LRIG1: variants seen among roughly 807,000 people sequenced by gnomAD.
LRIG1 encodes the protein leucine rich repeats and immunoglobulin like domains 1.
A neutral mutation model predicts 99.2 loss-of-function variants in LRIG1; 48 were observed. That is an observed-to-expected ratio of 0.48 (90% CI 0.38 to 0.62). LRIG1 has a LOEUF of 0.62. LRIG1 is among the 20% of genes least tolerant of loss of function. The probability of loss-of-function intolerance (pLI) is 0.00; values close to 1 mark genes in which losing one functional copy is unlikely to be tolerated. For missense variants in LRIG1, 1,646 were observed against 1,434.4 expected, an observed-to-expected ratio of 1.15 and a Z score of -2.38; for synonymous variants, 772 against 596.1, an observed-to-expected ratio of 1.29 and a Z score of -4.30.
At chr3:66,450,848 C>A (rs1459177542) in intron 3 of LRIG1, among the ~76,000 whole-genome samples, 1 of 152,200 alleles carries the variant, frequency 6.6e-6, no homozygotes. Flanking sequence ...CTGTTGGACT[C>A]ATGGCTGGTT....
chr3:66,402,778 C>A (rs992155864), intron 9 of LRIG1, among the ~76,000 whole-genome samples: 8 of 152,198 alleles, frequency 5.3e-5, no homozygotes, highest in Non-Finnish European at 4.4e-5. Flanking sequence ...TCAGTGGATC[C>A]TAACAGGCCG....
chr3:66,439,516 T>C (rs537140713), intron 3 of LRIG1, among the ~76,000 whole-genome samples: 1 of 152,034 alleles, frequency 6.6e-6, no homozygotes, highest in South Asian at 2.1e-4. Flanking sequence ...TATATTACAA[T>C]AAAGCTTTTG....
intron 1 of LRIG1, among the ~76,000 whole-genome samples, chr3:66,473,703 G>C (rs921922759): frequency 2.8e-4 from 42 of 152,312 alleles, no homozygotes; most frequent in African/African-American, 9.6e-4. Context: ...AACTTTTCAA[G>C]AATACATCCG....
chr3:66,486,818 G>A (rs1373227434), intron 1 of LRIG1, among the ~76,000 whole-genome samples: 5 of 152,036 alleles, frequency 3.3e-5, no homozygotes, highest in Admixed American at 6.5e-5. Context: ...GTAACTTTAC[G>A]CTTTTGTGTT....
rs1700940690 is a variant in LRIG1 at position 66,380,043 on chromosome 3, C to CTT, written c.*218_*219dup. 1 of 446,540 alleles carries CTT rather than the reference C, an allele frequency of 2.2e-6. No homozygotes were observed. The highest frequency in any genetic ancestry group is 3.8e-5 in the Admixed American group (1 of 26,494). 27.7% of individuals were successfully genotyped at this position (446,540 alleles called of 1,614,324 possible). On this transcript the variant is annotated 3_prime_UTR_variant, in exon 19 of 19. Coordinates refer to ENST00000273261, the MANE Select transcript of LRIG1 (RefSeq NM_015541.3). ...GATATATATGAAATCTCTGAAAACT[C>CTT]TTATGTACAATGATATCAAATACTT...
intron 3 of LRIG1, among the ~76,000 whole-genome samples, 179 bp downstream of exon 3, chr3:66,451,380 C>A (rs1162079236): frequency 2.0e-5 from 3 of 151,896 alleles, no homozygotes. Flanking sequence ...GCGTTTAATT[C>A]TGCAAATCCC....
At chr3:66,402,768 T>C (rs1432092304) in intron 9 of LRIG1, among the ~76,000 whole-genome samples, 2 of 152,144 alleles carry the variant, frequency 1.3e-5, no homozygotes, top group Non-Finnish European at 2.9e-5. Context: ...ACCCCACTTC[T>C]CAGTGGATCC....
Position 66,500,282 on chromosome 3 carries a change from C to A in LRIG1, c.126G>T (p.Ala42=), listed in dbSNP as rs1371237512. 1 of 1,480,230 alleles carries A rather than the reference C, an allele frequency of 6.8e-7. No homozygotes were observed. The highest frequency in any genetic ancestry group is 8.9e-7 in the Non-Finnish European group (1 of 1,121,762). 91.7% of individuals were successfully genotyped at this position (1,480,230 alleles called of 1,614,324 possible). Residue 42 remains alanine, a synonymous_variant, in exon 1 of 19, where the codon GCG becomes GCT. Coordinates refer to ENST00000273261, the MANE Select transcript of LRIG1 (RefSeq NM_015541.3). ...TAAAGPRAPC[A]AACTCAGDSL... ...AGTCCCCAGCGCAAGTGCAGGCGGC[C>A]GCGCAGGGCGCCCGCGGGCCGGCCG...
At chr3:66,438,255 A>T (rs529540082) in intron 3 of LRIG1, among the ~76,000 whole-genome samples, 40 of 152,296 alleles carry the variant, frequency 2.6e-4, no homozygotes, top group Non-Finnish European at 4.7e-4. Context: ...CACACAGCTC[A>T]GCCGGCCTTC....
At chr3:66,433,651 C>T (rs1422222408) in intron 3 of LRIG1, among the ~76,000 whole-genome samples, 4 of 152,246 alleles carry the variant, frequency 2.6e-5, no homozygotes, top group African/African-American at 9.6e-5. Flanking sequence ...ATATCTCTTA[C>T]CACGCAATTT....
At chr3:66,479,623 C>A (rs1468522777) in intron 1 of LRIG1, among the ~76,000 whole-genome samples, 3 of 152,130 alleles carry the variant, frequency 2.0e-5, no homozygotes, top group East Asian at 1.9e-4. Context: ...AGTTAAAATA[C>A]GGGCAAAGAA....
chr3:66,378,930 C>T lies in LRIG1; in HGVS notation c.*1333G>A, dbSNP rs1052501478. 1.8e-4 allele frequency: 27 copies of T among 152,608 alleles called. No homozygotes were observed. Among genetic ancestry groups the T allele is most frequent in the Admixed American group, 1.2e-3 (18 of 15,280 alleles). The allele number at this position is 152,608 out of a possible 1,614,324, so 9.5% of individuals were successfully genotyped here. A position where few individuals can be genotyped will look rare whatever the true frequency, so the allele number is the denominator to read the frequency against. On this transcript the variant is annotated 3_prime_UTR_variant, in exon 19 of 19. Transcript: ENST00000273261. ...AATAACTTTGTACATAAAAGTAATA[C>T]TCCCTCTTTCACATTGCCTCTCAGA... is the stretch of plus-strand genomic sequence containing the variant.
At chr3:66,491,652 A>T (rs1701104229) in intron 1 of LRIG1, among the ~76,000 whole-genome samples, 1 of 152,210 alleles carries the variant, frequency 6.6e-6, no homozygotes, top group South Asian at 2.1e-4. Context: ...TGGTATATAA[A>T]TTATATCTCA....
rs1056654450 is a variant in LRIG1 at position 66,380,239 on chromosome 3, G to C, written c.*24C>G. The C allele has an allele frequency of 6.3e-7, 1 of 1,584,836 alleles. No homozygotes were observed. The highest frequency in any genetic ancestry group is 8.6e-7 in the Non-Finnish European group (1 of 1,160,950). On this transcript the variant is annotated 3_prime_UTR_variant, in exon 19 of 19. Coordinates refer to ENST00000273261, the MANE Select transcript of LRIG1 (RefSeq NM_015541.3). ...CTCTCTTTCCCGTAGAGATTGGTAT[G>C]ACAAGAACTGAGGTAGACAAAACCT... is the stretch of plus-strand genomic sequence containing the variant.
In LRIG1 at chr3:66,412,956, T is replaced by C. The variant is rs1409084582; in HGVS notation, c.706A>G (p.Ser236Gly). The change falls in exon 6 of 19, where the codon AGC becomes GGC. Residue 236 changes from serine (S) to glycine (G), a missense_variant. Coordinates refer to ENST00000273261, the MANE Select transcript of LRIG1 (RefSeq NM_015541.3). ...CGCTGAAGCTTCAGCACCTCCAAGC[T>C]GTTGAGCCCCTGGAAGGTGAGGCCC... ...IEGLTFQGLN[S>G]LEVLKLQRNN... 1 of 1,614,178 alleles carries C rather than the reference T, an allele frequency of 6.2e-7. No individual in the cohort carries two copies. Among genetic ancestry groups the C allele is most frequent in the East Asian group, 2.2e-5 (1 of 44,880 alleles).
At chr3:66,430,376 G>T (rs141901023) in intron 3 of LRIG1, among the ~76,000 whole-genome samples, 6 of 152,184 alleles carry the variant, frequency 3.9e-5, no homozygotes, top group Non-Finnish European at 7.3e-5. Context: ...GGTTACTTAC[G>T]CATTTCCCAC....
At chr3:66,486,932 C>T (rs1362686339) in intron 1 of LRIG1, among the ~76,000 whole-genome samples, 1 of 152,138 alleles carries the variant, frequency 6.6e-6, no homozygotes, top group African/African-American at 2.4e-5. Context: ...ACATCAGCTC[C>T]AAATAGAGGA....
intron 13 of LRIG1, 21 bp from the exon 14 acceptor site, chr3:66,384,293 G>A (rs776566347): frequency 4.4e-6 from 7 of 1,600,928 alleles, no homozygotes; most frequent in Non-Finnish European, 6.0e-6. Flanking sequence ...TACGTATACA[G>A]GGTCGGGTTA....
intron 9 of LRIG1, chr3:66,404,240 G>T (rs1285642761): frequency 6.2e-6 from 8 of 1,288,746 alleles, no homozygotes; most frequent in African/African-American, 3.0e-5. Context: ...CCTACCACAG[G>T]CTCTCCTCTA....
Sources: allele counts gnomAD v4.1 joint callset (sites outside exome capture counted in the v4.1 genomes callset), GRCh38; gene constraint gnomAD v4.1.1; transcripts MANE v1.5; gene names NCBI Gene and HGNC (gene_info 2026-07-23, HGNC 2026-07-21).